The following VRK2 variants were observed in gnomAD, a reference collection of about 807,000 sequenced individuals.
The protein encoded by VRK2 is VRK serine/threonine kinase 2.
Under a neutral mutation model 57.6 loss-of-function variants are expected in VRK2, and 60 were observed. That is an observed-to-expected ratio of 1.04 (90% confidence interval 0.85 to 1.29). The LOEUF is 1.29. Ranked by LOEUF, VRK2 falls within the 50% of genes most tolerant of loss-of-function variation. VRK2 has a pLI of 0.00. For missense variants in VRK2, 705 were observed against 588.1 expected (o/e 1.20, Z -2.06); for synonymous variants, 231 against 199.2 (o/e 1.16, Z -1.35).
intron 3 of VRK2, among the ~76,000 whole-genome samples, chr2:58,034,802 C>A (rs75646848): frequency 0.049 from 7,349 of 151,068 alleles, 241 homozygotes; most frequent in Non-Finnish European, 0.074. Context: ...AAAAAAAAAA[C>A]TTCACTTATT....
intron 2 of VRK2, chr2:58,058,440 C>T (rs756302156): frequency 4.3e-6 from 2 of 470,156 alleles, no homozygotes; most frequent in South Asian, 1.6e-5. Flanking sequence ...CAATCGGAAG[C>T]TTCGACATGT....
intron 8 of VRK2, among the ~76,000 whole-genome samples, chr2:58,129,309 A>G (rs1678819285): frequency 6.6e-6 from 1 of 152,206 alleles, no homozygotes; most frequent in African/African-American, 2.4e-5. Context: ...AACAGTGCAT[A>G]ATGTATTTTC....
intron 8 of VRK2, among the ~76,000 whole-genome samples, chr2:58,127,466 G>T (rs1169101773): frequency 6.6e-6 from 1 of 151,938 alleles, no homozygotes; most frequent in Admixed American, 6.6e-5. Context: ...GAGAGGCCTG[G>T]GTTTAATATT....
intron 8 of VRK2, among the ~76,000 whole-genome samples, chr2:58,127,580 G>C (rs1441031108): frequency 1.3e-5 from 2 of 152,108 alleles, no homozygotes; most frequent in Non-Finnish European, 2.9e-5. Context: ...TTATACATCA[G>C]AATTGACAAA....
intron 12 of VRK2, among the ~76,000 whole-genome samples, chr2:58,149,469 A>T (rs1477360520): frequency 1.3e-5 from 2 of 151,682 alleles, no homozygotes; most frequent in African/African-American, 4.8e-5. Flanking sequence ...TACATAGTTA[A>T]TGATGTCTGT....
chr2:58,079,603 T>G (rs977764590), intron 2 of VRK2, among the ~76,000 whole-genome samples: 1 of 152,070 alleles, frequency 6.6e-6, no homozygotes, highest in Non-Finnish European at 1.5e-5. Context: ...ATGGATTTTT[T>G]TTCCTATGGG....
At chr2:58,147,877 T>G (rs72953128) in intron 12 of VRK2, among the ~76,000 whole-genome samples, 2,009 of 150,786 alleles carry the variant, frequency 0.013, 60 homozygotes, top group African/African-American at 0.047. Flanking sequence ...TGAACAGCAC[T>G]CCATTGTATA....
chr2:58,155,972 CT>C, intron 12 of VRK2, among the ~76,000 whole-genome samples: 1 of 149,696 alleles, frequency 6.7e-6, no homozygotes, highest in South Asian at 2.1e-4. Context: ...AACGCAGGCT[CT>C]TTTATGGCCC....
chr2:58,085,096 T>C (rs1671434484), intron 4 of VRK2, 146 bp downstream of exon 4: 5 of 642,506 alleles, frequency 7.8e-6, no homozygotes, highest in South Asian at 7.1e-5. Context: ...TTACAACATA[T>C]AAAAGCAAGA....
intron 1 of VRK2, among the ~76,000 whole-genome samples, chr2:57,966,819 G>A (rs898125093): frequency 6.6e-6 from 1 of 152,078 alleles, no homozygotes; most frequent in African/African-American, 2.4e-5. Flanking sequence ...AAGAAACTAT[G>A]GAAATATTCA....
intron 8 of VRK2, among the ~76,000 whole-genome samples, chr2:58,129,392 T>TA (rs1403343082): frequency 7.9e-5 from 12 of 152,304 alleles, no homozygotes; most frequent in African/African-American, 2.9e-4. Context: ...GCTGAAAATG[T>TA]AAAATATTAG....
At chr2:58,047,787 ACTCTAC>A (rs1675080153) in intron 1 of VRK2, among the ~76,000 whole-genome samples, 1 of 152,140 alleles carries the variant, frequency 6.6e-6, no homozygotes, top group Non-Finnish European at 1.5e-5. Flanking sequence ...ACACGCAGCG[ACTCTAC>A]CTGGGACAAT....
At chr2:58,009,754 A>G (rs1673361694) in intron 1 of VRK2, among the ~76,000 whole-genome samples, 1 of 151,970 alleles carries the variant, frequency 6.6e-6, no homozygotes, top group Non-Finnish European at 1.5e-5. Context: ...GATGCTTAAG[A>G]AAAATTTTGT....
chr2:57,912,861 A>T (rs979735418), intron 1 of VRK2, among the ~76,000 whole-genome samples: 1 of 152,158 alleles, frequency 6.6e-6, no homozygotes, highest in African/African-American at 2.4e-5. Flanking sequence ...ATGTGACGGT[A>T]TTAGAAGGTG....
At chr2:58,088,867 T>A (rs576785491) in intron 6 of VRK2, among the ~76,000 whole-genome samples, 6 of 152,344 alleles carry the variant, frequency 3.9e-5, no homozygotes, top group Middle Eastern at 3.4e-3. Flanking sequence ...CAATAATTAG[T>A]TGTGACAATG....
At chr2:58,047,432 T>C (rs1228686200) in intron 1 of VRK2, 2 of 985,260 alleles carry the variant, frequency 2.0e-6, no homozygotes, top group African/African-American at 3.5e-5. Flanking sequence ...GAGGCTGTCG[T>C]TTCCCTTGGC....
intron 8 of VRK2, among the ~76,000 whole-genome samples, chr2:58,124,274 G>A (rs1393527064): frequency 6.6e-6 from 1 of 152,154 alleles, no homozygotes; most frequent in East Asian, 1.9e-4. Flanking sequence ...GGTCAATATT[G>A]AAAATATATG....
At chr2:58,040,662 A>G (rs1242688317) in intron 3 of VRK2, among the ~76,000 whole-genome samples, 1 of 152,196 alleles carries the variant, frequency 6.6e-6, no homozygotes, top group African/African-American at 2.4e-5. Context: ...AAGCTACAGA[A>G]TGTCAGAGAT....
At chr2:57,981,492 A>G (rs1672421852) in intron 1 of VRK2, among the ~76,000 whole-genome samples, 1 of 152,090 alleles carries the variant, frequency 6.6e-6, no homozygotes, top group South Asian at 2.1e-4. Flanking sequence ...TTGACTTTGG[A>G]GAATCTGATG....
Sources: gnomAD v4.1 joint callset for allele counts (sites outside exome capture counted in the v4.1 genomes callset) on GRCh38, gnomAD v4.1.1 for gene constraint, MANE v1.5 for transcripts, NCBI Gene and HGNC (gene_info 2026-07-23, HGNC 2026-07-21) for gene names.